MGST1: variants seen among roughly 807,000 people sequenced by gnomAD.
MGST1 encodes the protein microsomal glutathione S-transferase 1.
Under a neutral mutation model 8.9 loss-of-function variants are expected in MGST1, and 5 were observed. That is an observed-to-expected ratio of 0.56 (90% confidence interval 0.29 to 1.19). The LOEUF (loss-of-function observed/expected upper bound fraction) is 1.19, where lower values mean the gene tolerates loss of function less well. Ranked by LOEUF, MGST1 falls within the 50% of genes most tolerant of loss-of-function variation. The probability of loss-of-function intolerance (pLI) is 0.08; values close to 1 mark genes in which losing one functional copy is unlikely to be tolerated. For synonymous variants in MGST1, 54 were observed against 67.8 expected, an observed-to-expected ratio of 0.80 and a Z score of 1.00; for missense variants, 182 against 187.4, an observed-to-expected ratio of 0.97 and a Z score of 0.17.
intron 4 of MGST1, chr12:16,550,118 C>T (rs559222997): frequency 6.6e-6 from 1 of 152,146 alleles, no homozygotes; most frequent in East Asian, 1.9e-4. Flanking sequence ...CATTATGTTG[C>T]TCCGATCAAA....
rs931247262 is a variant in MGST1 at position 16,587,429 on chromosome 12, A to G, written n.483-2099A>G. Among the ~76,000 whole-genome samples, 4 of 152,184 alleles carry G rather than the reference A, an allele frequency of 2.6e-5. No individual in the cohort carries two copies. Among genetic ancestry groups the G allele is most frequent in the African/African-American group, 9.7e-5 (4 of 41,446 alleles). On this transcript the variant is annotated intron_variant and non_coding_transcript_variant, in intron 4 of 4. Coordinates refer to the MGST1 transcript ENST00000538857. The surrounding 1 kb of genome is among the most constrained non-coding windows in gnomAD (Gnocchi z 4.3). ...GAACTGTTGCTTTCATTAATTTTCTACAGACTAGAGAGCAAGGAATTCAAG... is the reference window on the plus strand; with the variant it reads ...GAACTGTTGCTTTCATTAATTTTCTGCAGACTAGAGAGCAAGGAATTCAAG...
At chr12:16,566,450 G>A (rs540327427) in intron 4 of MGST1, among the ~76,000 whole-genome samples, 96 of 151,818 alleles carry the variant, frequency 6.3e-4, no homozygotes, top group Non-Finnish European at 1.3e-3. Context: ...ATGAGGCGAT[G>A]GGTATTTGAA....
intron 1 of MGST1, among the ~76,000 whole-genome samples, chr12:16,349,739 GCTT>G (rs1939372321): frequency 1.4e-5 from 2 of 146,970 alleles, no homozygotes; most frequent in African/African-American, 2.6e-5. Context: ...AGGTCCCAGA[GCTT>G]CTTTTTTTTT....
chr12:16,388,170 T>C (rs1940521439), intron 1 of MGST1, among the ~76,000 whole-genome samples: 1 of 151,752 alleles, frequency 6.6e-6, no homozygotes, highest in African/African-American at 2.4e-5. Flanking sequence ...CTGCAATTAC[T>C]TTTGCACCAA....
chr12:16,447,843 C>A (rs956051374), intron 4 of MGST1, among the ~76,000 whole-genome samples: 1 of 151,898 alleles, frequency 6.6e-6, no homozygotes, highest in Admixed American at 6.6e-5. Flanking sequence ...TATATTTTTC[C>A]AGATTTTCTA....
Position 16,587,025 on chromosome 12 carries a change from G to A in MGST1, n.483-2503G>A, listed in dbSNP as rs550969233. Among the ~76,000 whole-genome samples, 8 of 152,168 alleles carry A rather than the reference G, an allele frequency of 5.3e-5. No homozygotes were observed. The South Asian group carries it at 8.3e-4, about 16-fold the overall frequency. ...CTCCTCTAAAAATCCAACATATCTC[G>A]TCACATCTCATATTTGGTTATTTTC... is the stretch of plus-strand genomic sequence containing the variant. On this transcript the variant is annotated intron_variant and non_coding_transcript_variant, in intron 4 of 4. Transcript: ENST00000538857. This position sits in a 1 kb window ranked among gnomAD's most constrained non-coding sequence, Gnocchi z 4.3.
chr12:16,567,012 T>C (rs1245948212), intron 4 of MGST1, among the ~76,000 whole-genome samples: 1 of 152,162 alleles, frequency 6.6e-6, no homozygotes. Flanking sequence ...CTGGCCAATA[T>C]GGCAAAACCC....
downstream of MGST1, among the ~76,000 whole-genome samples, chr12:16,440,699 A>G (rs1941031518): frequency 6.6e-6 from 1 of 151,890 alleles, no homozygotes; most frequent in Non-Finnish European, 1.5e-5. Context: ...ATAAATTACT[A>G]CCAATAGTTT....
Position 16,364,068 on chromosome 12 carries a change from T to G in MGST1, c.*27T>G. ...GAAAATCATACAACTCAGCATCCAG[T>G]TGGCTTTTTAAGAATTCTGTACTTC... is the stretch of plus-strand genomic sequence containing the variant. On this transcript the variant is annotated 3_prime_UTR_variant, in exon 4 of 4. Transcript: ENST00000396210. This position sits in a 1 kb window ranked among gnomAD's most constrained non-coding sequence, Gnocchi z 5.7. The G allele has an allele frequency of 1.3e-6, 2 of 1,561,562 alleles. No individual in the cohort carries two copies. Among genetic ancestry groups the G allele is most frequent in the Non-Finnish European group, 1.7e-6 (2 of 1,152,356 alleles).
Position 16,364,352 on chromosome 12 carries a change from G to A in MGST1, c.*311G>A, listed in dbSNP as rs2137003364. The A allele has an allele frequency of 9.8e-7, 1 of 1,023,616 alleles. No individual in the cohort carries two copies. The highest frequency in any genetic ancestry group is 1.2e-6 in the Non-Finnish European group (1 of 853,770). The allele number at this position is 1,023,616 out of a possible 1,614,324, so 63.4% of individuals were successfully genotyped here. On this transcript the variant is annotated 3_prime_UTR_variant, in exon 4 of 4. Coordinates refer to ENST00000396210, the MANE Select transcript of MGST1 (RefSeq NM_020300.5). This position sits in a 1 kb window ranked among gnomAD's most constrained non-coding sequence, Gnocchi z 5.7. ...GAATCTATAAAAGAATTGCACGTAT[G>A]AGAAACCTATATTTCAATACTGCTG...
intron 4 of MGST1, among the ~76,000 whole-genome samples, chr12:16,507,601 T>C (rs567513492): frequency 1.3e-5 from 2 of 152,278 alleles, no homozygotes; most frequent in South Asian, 4.1e-4. Context: ...TGATTCACAG[T>C]TCTGCAAGCT....
intron 4 of MGST1, among the ~76,000 whole-genome samples, chr12:16,516,648 A>T (rs1302256109): frequency 6.6e-6 from 1 of 152,222 alleles, no homozygotes; most frequent in East Asian, 1.9e-4. Flanking sequence ...TATCTAGAAT[A>T]TGAAGAAGGC....
Position 16,544,722 on chromosome 12 carries a change from C to T in MGST1, n.483-44806C>T, listed in dbSNP as rs184371347. Among the ~76,000 whole-genome samples, 26 of 152,060 alleles carry T rather than the reference C, an allele frequency of 1.7e-4. No individual in the cohort carries two copies. The highest frequency in any genetic ancestry group is 1.2e-3 in the Admixed American group (18 of 15,264). Reference sequence around the variant, plus strand: ...ATAGCTTATAATGAGATACTAAAATCGCATACATACTATTCTAGTCAATTT... The same window carrying T: ...ATAGCTTATAATGAGATACTAAAATTGCATACATACTATTCTAGTCAATTT... On this transcript the variant is annotated intron_variant and non_coding_transcript_variant, in intron 4 of 4. Transcript: ENST00000538857. This position sits in a 1 kb window ranked among gnomAD's most constrained non-coding sequence, Gnocchi z 4.8.
At chr12:16,434,778 G>C (rs1229635965) in intron 1 of MGST1, among the ~76,000 whole-genome samples, 1 of 151,912 alleles carries the variant, frequency 6.6e-6, no homozygotes, top group East Asian at 1.9e-4. Context: ...AGAACTCTTA[G>C]AGTAAAACGA....
chr12:16,376,466 G>A (rs1940382253), exon 4 of MGST1: 1 of 185,386 alleles, frequency 5.4e-6, no homozygotes. Context: ...AGACCATGAT[G>A]AAGTCAGAAA....
intron 4 of MGST1, among the ~76,000 whole-genome samples, chr12:16,524,746 A>G (rs1381250106): frequency 1.3e-5 from 2 of 152,062 alleles, no homozygotes; most frequent in Non-Finnish European, 2.9e-5. Context: ...GTACAAACCC[A>G]TCTATTATAT....
chr12:16,549,458 AT>A (rs1431175310), intron 4 of MGST1: 1 of 152,548 alleles, frequency 6.6e-6, no homozygotes, highest in Non-Finnish European at 1.5e-5. Context: ...CATGTTCATA[AT>A]AAAGCTTTGT....
In MGST1 at chr12:16,513,327, A is replaced by T. The variant is rs1941588518; in HGVS notation, n.483-76201A>T. ...ATTTCCCATTGAAAATTCCTTAAAA[A>T]GGAGAATTTTATGCTTGCCCTCTGC... On this transcript the variant is annotated intron_variant and non_coding_transcript_variant, in intron 4 of 4. Transcript: ENST00000538857. The surrounding 1 kb of genome is among the most constrained non-coding windows in gnomAD (Gnocchi z 4.2). 4.0e-6 allele frequency: 1 copy of T among 246,936 alleles called. No individual in the cohort carries two copies. Among genetic ancestry groups the T allele is most frequent in the Non-Finnish European group, 8.1e-6 (1 of 123,608 alleles). 15.3% of individuals were successfully genotyped at this position (246,936 alleles called of 1,614,324 possible).
Position 16,551,093 on chromosome 12 carries a change from A to G in MGST1, n.483-38435A>G. ...ACAGATGCAGTCCGCCTTTTATTCC[A>G]TATAACCATCCTGCCTTCCTATATC... On this transcript the variant is annotated intron_variant and non_coding_transcript_variant, in intron 4 of 4. Transcript: ENST00000538857. 3 of 630,962 alleles carry G rather than the reference A, an allele frequency of 4.8e-6. No individual in the cohort carries two copies. The South Asian group carries it at 6.5e-5, about 14-fold the overall frequency. 39.1% of individuals were successfully genotyped at this position (630,962 alleles called of 1,614,324 possible).
Sources: gnomAD v4.1 joint callset for allele counts (sites outside exome capture counted in the v4.1 genomes callset) on GRCh38, gnomAD v4.1.1 for gene constraint, Gnocchi (gnomAD v3.1) non-coding constraint, MANE v1.5 for transcripts, NCBI Gene and HGNC (gene_info 2026-07-23, HGNC 2026-07-21) for gene names.